ABCG8: variants seen among roughly 807,000 people sequenced by gnomAD.
ABCG8 encodes ATP binding cassette subfamily G member 8.
In ABCG8, 81 loss-of-function variants were observed where a neutral mutation model predicts 71.3. The ratio of observed to expected loss-of-function variants is 1.14; its 90% confidence interval spans 0.95 to 1.37. The LOEUF (loss-of-function observed/expected upper bound fraction) is 1.37, where lower values mean the gene tolerates loss of function less well. Ranked by LOEUF, ABCG8 falls within the 40% of genes most tolerant of loss-of-function variation. ABCG8 has a pLI of 0.00. For synonymous variants in ABCG8, 451 were observed against 354.7 expected, an observed-to-expected ratio of 1.27 and a Z score of -3.05; for missense variants, 1,119 against 866.2, an observed-to-expected ratio of 1.29 and a Z score of -3.66.
intron 1 of ABCG8, among the ~76,000 whole-genome samples, chr2:43,843,464 G>A (rs1262412789): frequency 6.6e-6 from 1 of 152,150 alleles, no homozygotes; most frequent in Admixed American, 6.5e-5. Flanking sequence ...TGAGGTGGGT[G>A]GATCACTTGA....
At chr2:43,874,515 C>T (rs1558857644) in intron 10 of ABCG8, 32 bp downstream of exon 10, 4 of 1,557,962 alleles carry the variant, frequency 2.6e-6, no homozygotes, top group Non-Finnish European at 8.9e-7. Context: ...CAAGTGCCCC[C>T]CACCCACCAG....
intron 1 of ABCG8, among the ~76,000 whole-genome samples, chr2:43,841,223 T>C (rs1273058124): frequency 6.6e-6 from 1 of 152,216 alleles, no homozygotes; most frequent in Non-Finnish European, 1.5e-5. Context: ...TAGAAACATG[T>C]GCTCTGTGAG....
At chr2:43,844,457 T>A (rs776578515) in intron 1 of ABCG8, 50 bp from the exon 2 acceptor site, 88 of 1,469,858 alleles carry the variant, frequency 6.0e-5, no homozygotes, top group Non-Finnish European at 7.7e-5. Context: ...TCTTCTCCTA[T>A]GTTCTCAGCA....
rs545378037 is a variant in ABCG8 at position 43,846,444 on chromosome 2, G to C, written c.322+133G>C. ...ATACAGCAGAATGGCTGAGAACACA[G>C]GTTCTGGGTCAGACAGACCTGGGCT... On this transcript the variant is annotated intron_variant, in intron 3 of 12. Transcript: ENST00000272286. 7.5e-6 allele frequency: 10 copies of C among 1,341,648 alleles called. No homozygotes were observed. The African/African-American group carries it at 1.2e-4, about 16-fold the overall frequency. The allele number at this position is 1,341,648 out of a possible 1,614,324, so 83.1% of individuals were successfully genotyped here. A position where few individuals can be genotyped will look rare whatever the true frequency, so the allele number is the denominator to read the frequency against.
intron 3 of ABCG8, among the ~76,000 whole-genome samples, chr2:43,849,804 AG>A (rs1219948671): frequency 6.6e-6 from 1 of 152,086 alleles, no homozygotes; most frequent in African/African-American, 2.4e-5. Flanking sequence ...ATCTTAAATG[AG>A]GTACACCCAG....
intron 9 of ABCG8, 91 bp from the exon 10 acceptor site, chr2:43,874,316 A>T: frequency 9.0e-7 from 1 of 1,115,664 alleles, no homozygotes; most frequent in Non-Finnish European, 1.4e-6. Flanking sequence ...TATGATAACT[A>T]CTTTGAATTG....
rs1464195423 is a variant in ABCG8 at position 43,879,584 on chromosome 2, AC to A, written c.*1675del. ...CATGTTGCCACCATCCAACCTGCAG[AC>A]CCCATTCTTGAGATTGACTGGGAGT... On this transcript the variant is annotated 3_prime_UTR_variant, in exon 13 of 13. Coordinates refer to ENST00000272286, the MANE Select transcript of ABCG8 (RefSeq NM_022437.3). The A allele has an allele frequency of 6.6e-6, 1 of 152,134 alleles. No individual in the cohort carries two copies. The highest frequency in any genetic ancestry group is 1.5e-5 in the Non-Finnish European group (1 of 68,032). 9.4% of individuals were successfully genotyped at this position (152,134 alleles called of 1,614,324 possible).
At chr2:43,844,423 T>C (rs1487614715) in intron 1 of ABCG8, 84 bp from the exon 2 acceptor site, 1 of 1,103,416 alleles carries the variant, frequency 9.1e-7, no homozygotes, top group Non-Finnish European at 1.4e-6. Context: ...AAGAAGTTGC[T>C]CTCACCTGTT....
In ABCG8 at chr2:43,872,247, C is replaced by G. The variant is rs1426658542; in HGVS notation, c.1152C>G (p.Asn384Lys). ...GCAGCGTGACCCCACTAGACACCAA[C>G]TGCCTCCCGAGTCCTACGAAGATGC... ...VESSVTPLDTNCLPSPTKMPG... is the reference protein window; with the variant it reads ...VESSVTPLDTKCLPSPTKMPG... Residue 384 changes from asparagine (N) to lysine (K), a missense_variant, in exon 8 of 13, where the codon AAC (asparagine) becomes AAG (lysine). Coordinates refer to ENST00000272286, the MANE Select transcript of ABCG8 (RefSeq NM_022437.3). 6.2e-6 allele frequency: 10 copies of G among 1,613,912 alleles called. No homozygotes were observed. Among genetic ancestry groups the G allele is most frequent in the Non-Finnish European group, 8.5e-6 (10 of 1,180,050 alleles).
At chr2:43,864,166 C>G (rs1214686826) in intron 6 of ABCG8, among the ~76,000 whole-genome samples, 1 of 151,584 alleles carries the variant, frequency 6.6e-6, no homozygotes, top group Non-Finnish European at 1.5e-5. Flanking sequence ...AAAATACTCA[C>G]TCTCTGGATA....
chr2:43,846,634 C>G (rs778597470), intron 3 of ABCG8: 3 of 374,532 alleles, frequency 8.0e-6, no homozygotes, highest in Non-Finnish European at 1.5e-5. Flanking sequence ...TCTTTTCAGA[C>G]TCCTCCAGCC....
Position 43,875,310 on chromosome 2 carries a change from C to T in ABCG8, c.1653C>T (p.Ala551=). The T allele has an allele frequency of 6.2e-7, 1 of 1,614,152 alleles. No individual in the cohort carries two copies. Among genetic ancestry groups the T allele is most frequent in the Non-Finnish European group, 8.5e-7 (1 of 1,180,046 alleles). The part of the protein sequence containing the change: ...CCRIMALAAA[A]LLPTFHMASF... The stretch of plus-strand genomic sequence containing the variant: ...GGATTATGGCCCTGGCCGCCGCGGC[C>T]CTGCTCCCCACCTTCCACATGGCCT... The change falls in exon 11 of 13, where the codon GCC becomes GCT. Residue 551 remains alanine (A), a synonymous_variant. Transcript: ENST00000272286.
intron 6 of ABCG8, among the ~76,000 whole-genome samples, chr2:43,869,618 A>C (rs1317977726): frequency 6.6e-6 from 1 of 150,916 alleles, no homozygotes; most frequent in Non-Finnish European, 1.5e-5. Context: ...TAGAACTCTC[A>C]CTATCTTTTT....
At chr2:43,848,991 C>T (rs1267268891) in intron 3 of ABCG8, among the ~76,000 whole-genome samples, 2 of 142,042 alleles carry the variant, frequency 1.4e-5, no homozygotes, top group Non-Finnish European at 3.0e-5. Flanking sequence ...CATTGCACTC[C>T]AGCCTGGGCA....
At chr2:43,859,999 G>C (rs1012511420) in intron 6 of ABCG8, among the ~76,000 whole-genome samples, 4 of 142,688 alleles carry the variant, frequency 2.8e-5, no homozygotes, top group Non-Finnish European at 6.1e-5. Flanking sequence ...CTCACCCTCT[G>C]GACAGAACTC....
chr2:43,878,126 C>G lies in ABCG8; in HGVS notation c.*213C>G, dbSNP rs1470367043. The G allele has an allele frequency of 6.0e-6, 4 of 665,112 alleles. No individual in the cohort carries two copies. The highest frequency in any genetic ancestry group is 1.0e-5 in the Non-Finnish European group (4 of 391,238). The allele number at this position is 665,112 out of a possible 1,614,324, so 41.2% of individuals were successfully genotyped here. A position where few individuals can be genotyped will look rare whatever the true frequency, so the allele number is the denominator to read the frequency against. The stretch of plus-strand genomic sequence containing the variant: ...GGGATTTCTGCTCACTGGCAGGAGA[C>G]TGCGATGACTGGGAGAAAACCTGCA... On this transcript the variant is annotated 3_prime_UTR_variant, in exon 13 of 13. Coordinates refer to ENST00000272286, the MANE Select transcript of ABCG8 (RefSeq NM_022437.3).
intron 6 of ABCG8, among the ~76,000 whole-genome samples, chr2:43,865,908 G>T (rs551166026): frequency 6.6e-6 from 1 of 151,890 alleles, no homozygotes; most frequent in African/African-American, 2.4e-5. Flanking sequence ...TCACTCTGTG[G>T]ATAGAACTCT....
intron 11 of ABCG8, 100 bp from the exon 12 acceptor site, chr2:43,877,461 A>C: frequency 1.9e-6 from 3 of 1,565,130 alleles, no homozygotes; most frequent in Non-Finnish European, 1.7e-6. Flanking sequence ...GACCATGGGA[A>C]TATGGGGAGA....
rs1324084598 is a variant in ABCG8 at position 43,881,938 on chromosome 2, T to C, written c.*4025T>C. ...ACAGTGTGAGAGCAGCTGTAGACTATAGTAACGTACAGCCGGTGTGGCTGT... is the reference window on the plus strand; with the variant it reads ...ACAGTGTGAGAGCAGCTGTAGACTACAGTAACGTACAGCCGGTGTGGCTGT... On this transcript the variant is annotated 3_prime_UTR_variant, in exon 13 of 13. Transcript: ENST00000272286. 6.6e-6 allele frequency: 1 copy of C among 152,206 alleles called. No individual in the cohort carries two copies. Among genetic ancestry groups the C allele is most frequent in the African/African-American group, 2.4e-5 (1 of 41,458 alleles). The allele number at this position is 152,206 out of a possible 1,614,324, so 9.4% of individuals were successfully genotyped here. A position where few individuals can be genotyped will look rare whatever the true frequency, so the allele number is the denominator to read the frequency against.
Sources: allele counts gnomAD v4.1 joint callset (sites outside exome capture counted in the v4.1 genomes callset), GRCh38; gene constraint gnomAD v4.1.1; transcripts MANE v1.5; gene names NCBI Gene and HGNC (gene_info 2026-07-23, HGNC 2026-07-21).